TMEM163: variants seen among roughly 807,000 people sequenced by gnomAD.
The protein encoded by TMEM163 is transmembrane protein 163.
Under a neutral mutation model 29.3 loss-of-function variants are expected in TMEM163, and 17 were observed. The observed-to-expected ratio is 0.58, with a 90% CI of 0.40 to 0.87. The LOEUF (loss-of-function observed/expected upper bound fraction) is 0.87, where lower values mean the gene tolerates loss of function less well. TMEM163 is among the 40% of genes least tolerant of loss of function. The pLI, the probability that TMEM163 is intolerant of heterozygous loss-of-function variation, is 0.00. For synonymous variants in TMEM163, 157 were observed against 160.6 expected (o/e 0.98, Z 0.17); for missense variants, 303 against 381.5 (o/e 0.79, Z 1.71).
chr2:134,605,385 A>G (rs1682330702), intron 2 of TMEM163, among the ~76,000 whole-genome samples: 1 of 152,176 alleles, frequency 6.6e-6, no homozygotes, highest in African/African-American at 2.4e-5. Flanking sequence ...TAACAACAGC[A>G]GCGCCCCTCA....
intron 2 of TMEM163, among the ~76,000 whole-genome samples, chr2:134,678,584 T>C (rs1287708150): frequency 6.6e-6 from 1 of 152,206 alleles, no homozygotes; most frequent in Non-Finnish European, 1.5e-5. Context: ...AGAGGGAGGC[T>C]GAAGGTCAGA....
intron 2 of TMEM163, among the ~76,000 whole-genome samples, chr2:134,658,214 G>T (rs1426663887): frequency 6.6e-6 from 1 of 152,174 alleles, no homozygotes. Flanking sequence ...CCGAAAGGCA[G>T]CAGAACTTGC....
At chr2:134,555,167 T>C (rs975740664) in intron 2 of TMEM163, among the ~76,000 whole-genome samples, 5 of 152,224 alleles carry the variant, frequency 3.3e-5, no homozygotes, top group East Asian at 1.9e-4. Context: ...TGTCAAGTAG[T>C]AACTTCATTT....
intron 4 of TMEM163, among the ~76,000 whole-genome samples, chr2:134,515,937 C>T (rs1680048423): frequency 6.6e-6 from 1 of 152,168 alleles, no homozygotes; most frequent in African/African-American, 2.4e-5. Context: ...CTTCACAAGA[C>T]ATGAAATGCT....
At chr2:134,558,455 A>C (rs1274812560) in intron 2 of TMEM163, among the ~76,000 whole-genome samples, 1 of 152,234 alleles carries the variant, frequency 6.6e-6, no homozygotes, top group Non-Finnish European at 1.5e-5. Flanking sequence ...ACCTTCTTTA[A>C]CTAAGTCACA....
chr2:134,557,732 T>C (rs946817968), intron 2 of TMEM163, among the ~76,000 whole-genome samples: 1 of 152,142 alleles, frequency 6.6e-6, no homozygotes, highest in Non-Finnish European at 1.5e-5. Context: ...GAGGAAGCAA[T>C]TGGATATACA....
chr2:134,539,439 C>A (rs1335899591), intron 4 of TMEM163, among the ~76,000 whole-genome samples: 1 of 152,152 alleles, frequency 6.6e-6, no homozygotes, highest in Non-Finnish European at 1.5e-5. Flanking sequence ...CACAATAGCA[C>A]CCAGTGGGCT....
chr2:134,493,284 G>A (rs899457862), intron 5 of TMEM163, among the ~76,000 whole-genome samples: 1 of 150,026 alleles, frequency 6.7e-6, no homozygotes, highest in African/African-American at 2.5e-5. Flanking sequence ...TTTCTTAGTG[G>A]TGTCTTGGAA....
intron 2 of TMEM163, among the ~76,000 whole-genome samples, chr2:134,612,642 C>T (rs1326065674): frequency 6.6e-6 from 1 of 151,304 alleles, no homozygotes; most frequent in Non-Finnish European, 1.5e-5. Flanking sequence ...TGACTAATCA[C>T]TAGTGGACGA....
chr2:134,696,501 T>C (rs994757469), intron 2 of TMEM163, among the ~76,000 whole-genome samples: 1 of 152,198 alleles, frequency 6.6e-6, no homozygotes, highest in Non-Finnish European at 1.5e-5. Context: ...AATGACATCC[T>C]TATTAGATTG....
rs539073830 is a variant in TMEM163 at position 134,716,047 on chromosome 2, T to G, written c.202+2687A>C. ...CTAGTATGCATTAGTTCCAATTCCT[T>G]TCTCCTAAGTTTGTCAAGCTTGAAC... On this transcript the variant is annotated intron_variant, in intron 1 of 7. Transcript: ENST00000281924. Among the ~76,000 whole-genome samples, 4 of 152,310 alleles carry G rather than the reference T, an allele frequency of 2.6e-5. No individual in the cohort carries two copies. The East Asian group carries it at 7.7e-4, about 29-fold the overall frequency.
chr2:134,538,278 C>G (rs1680586239), intron 4 of TMEM163, among the ~76,000 whole-genome samples: 1 of 152,154 alleles, frequency 6.6e-6, no homozygotes, highest in Non-Finnish European at 1.5e-5. Flanking sequence ...GAGGACACCT[C>G]AGGAAAATGC....
At chr2:134,531,632 T>TG (rs1264037412) in intron 4 of TMEM163, among the ~76,000 whole-genome samples, 2 of 152,186 alleles carry the variant, frequency 1.3e-5, no homozygotes, top group African/African-American at 4.8e-5. Flanking sequence ...TGGTTTATTA[T>TG]GAAGGATTAC....
At chr2:134,581,042 A>G (rs1436400180) in intron 2 of TMEM163, among the ~76,000 whole-genome samples, 1 of 152,204 alleles carries the variant, frequency 6.6e-6, no homozygotes, top group African/African-American at 2.4e-5. Flanking sequence ...CCTCTAATGA[A>G]GACCTAAACT....
chr2:134,581,224 T>A (rs1195992845), intron 2 of TMEM163, among the ~76,000 whole-genome samples: 1 of 152,204 alleles, frequency 6.6e-6, no homozygotes, highest in Non-Finnish European at 1.5e-5. Flanking sequence ...TCCTTTTTTT[T>A]CTTTTTTAAA....
At chr2:134,522,190 G>A (rs752174004) in intron 4 of TMEM163, among the ~76,000 whole-genome samples, 6 of 152,102 alleles carry the variant, frequency 3.9e-5, no homozygotes, top group Non-Finnish European at 5.9e-5. Context: ...TCTAAGAACA[G>A]GACAGTCACT....
At chr2:134,661,885 T>C (rs1236195802) in intron 2 of TMEM163, among the ~76,000 whole-genome samples, 1 of 151,658 alleles carries the variant, frequency 6.6e-6, no homozygotes, top group Admixed American at 6.6e-5. Context: ...CAAGATTTGA[T>C]ACAGTCTTTC....
intron 1 of TMEM163, among the ~76,000 whole-genome samples, chr2:134,715,863 C>T (rs935120392): frequency 2.0e-5 from 3 of 152,214 alleles, no homozygotes. Flanking sequence ...AGCTGGCCCC[C>T]ATATTTGAAT....
chr2:134,530,037 AG>A (rs1553477749), intron 4 of TMEM163, among the ~76,000 whole-genome samples: 1 of 152,042 alleles, frequency 6.6e-6, no homozygotes, highest in Non-Finnish European at 1.5e-5. Flanking sequence ...AGGCCTTCAC[AG>A]GAAAATTAGA....
Sources: allele counts gnomAD v4.1 joint callset (sites outside exome capture counted in the v4.1 genomes callset), GRCh38; gene constraint gnomAD v4.1.1; transcripts MANE v1.5; gene names NCBI Gene and HGNC (gene_info 2026-07-23, HGNC 2026-07-21).